Variants in GPHN observed in about 807,000 individuals in gnomAD.
GPHN encodes gephyrin.
A neutral mutation model predicts 95.5 loss-of-function variants in GPHN; 17 were observed. The ratio of observed to expected loss-of-function variants is 0.18; its 90% CI spans 0.12 to 0.27. GPHN has a LOEUF of 0.27. Ranked by LOEUF, GPHN falls within the 10% of genes least tolerant of loss-of-function variation. The probability of loss-of-function intolerance (pLI) is 1.00; values close to 1 mark genes in which losing one functional copy is unlikely to be tolerated. For synonymous variants in GPHN, 320 were observed against 322.5 expected (o/e 0.99, Z 0.08); for missense variants, 660 against 978.1 (o/e 0.67, Z 4.34).
the GPHN span, among the ~76,000 whole-genome samples, chr14:67,274,342 C>G: frequency 3.2e-4 from 48 of 152,114 alleles, no homozygotes; most frequent in Admixed American, 1.5e-3. Context: ...TCTACATATG[C>G]CTAGCCAGTT....
chr14:66,785,735 A>AAC (rs1347304327), intron 3 of GPHN, among the ~76,000 whole-genome samples: 4 of 146,346 alleles, frequency 2.7e-5, no homozygotes, highest in East Asian at 3.9e-4. Context: ...AAAACAAACA[A>AAC]AAAAAAAAAA....
chr14:66,736,920 T>G (rs1419190459), intron 2 of GPHN, among the ~76,000 whole-genome samples: 1 of 152,172 alleles, frequency 6.6e-6, no homozygotes, highest in South Asian at 2.1e-4. Context: ...TATCACTTCT[T>G]GAGACCTGTC....
At chr14:67,733,123 A>G in the GPHN span, among the ~76,000 whole-genome samples, 1 of 120,238 alleles carries the variant, frequency 8.3e-6, no homozygotes, top group Non-Finnish European at 2.0e-5. Context: ...AAGTATAATA[A>G]TAATAAAATT....
At chr14:67,576,562 G>T in the GPHN span, 1 of 844,852 alleles carries the variant, frequency 1.2e-6, no homozygotes, top group South Asian at 1.4e-5. The surrounding 1 kb of genome is among the most constrained non-coding windows in gnomAD (Gnocchi z 4.0). Context: ...GTGACTATTG[G>T]TCAAGATCCC....
chr14:67,264,091 A>G, the GPHN span, among the ~76,000 whole-genome samples: 4 of 152,182 alleles, frequency 2.6e-5, no homozygotes, highest in Admixed American at 1.3e-4. Flanking sequence ...TGAACATATA[A>G]GGTTGGTGTA....
the GPHN span, among the ~76,000 whole-genome samples, chr14:67,204,218 C>A: frequency 6.6e-6 from 1 of 152,132 alleles, no homozygotes; most frequent in Admixed American, 6.5e-5. Flanking sequence ...AGGTGAATTG[C>A]TTGAGCCCAG....
chr14:66,954,433 C>T (rs957695146), intron 8 of GPHN, among the ~76,000 whole-genome samples: 1 of 152,044 alleles, frequency 6.6e-6, no homozygotes, highest in Non-Finnish European at 1.5e-5. Flanking sequence ...TTGAACATTT[C>T]AGTATTGGTA....
At chr14:67,371,737 A>G in the GPHN span, among the ~76,000 whole-genome samples, 19 of 152,350 alleles carry the variant, frequency 1.2e-4, no homozygotes, top group Middle Eastern at 6.8e-3. Context: ...TATATATGCA[A>G]TCTATTGTTT....
At chr14:66,759,150 A>G (rs931220381) in intron 2 of GPHN, among the ~76,000 whole-genome samples, 1 of 152,242 alleles carries the variant, frequency 6.6e-6, no homozygotes, top group African/African-American at 2.4e-5. Context: ...AATCTCAGAT[A>G]AGACTTTCTT....
chr14:67,397,530 C>T, the GPHN span: 2 of 710,132 alleles, frequency 2.8e-6, no homozygotes, highest in Non-Finnish European at 2.3e-6. Context: ...TGTGGCGGAG[C>T]CAGGATTTGA....
the GPHN span, chr14:67,592,223 T>C: frequency 3.9e-6 from 1 of 256,614 alleles, no homozygotes; most frequent in Non-Finnish European, 7.7e-6. Context: ...TTGCTTGAAC[T>C]CAGGAGTTCA....
chr14:66,959,832 C>T (rs1180305641), intron 8 of GPHN, among the ~76,000 whole-genome samples: 1 of 151,942 alleles, frequency 6.6e-6, no homozygotes, highest in Admixed American at 6.6e-5. Context: ...TTCTTTCTCT[C>T]CTCTCCTTCT....
At chr14:67,091,835 GT>G (rs368856019) in intron 12 of GPHN, among the ~76,000 whole-genome samples, 1,960 of 144,246 alleles carry the variant, frequency 0.014, 40 homozygotes, top group African/African-American at 0.042. Flanking sequence ...TGTTTGAGAG[GT>G]TTTTTTTTTT....
intron 6 of GPHN, among the ~76,000 whole-genome samples, chr14:66,916,627 A>G (rs576379816): frequency 6.6e-6 from 1 of 152,008 alleles, no homozygotes; most frequent in East Asian, 1.9e-4. Context: ...ATGTTCCAGA[A>G]CTGACACCAT....
intron 2 of GPHN, among the ~76,000 whole-genome samples, chr14:66,733,803 T>C (rs1369770552): frequency 6.6e-6 from 1 of 152,180 alleles, no homozygotes; most frequent in Non-Finnish European, 1.5e-5. Flanking sequence ...ACTGAAATAA[T>C]CTATTAAGTC....
chr14:66,658,281 G>T (rs1327187563), intron 1 of GPHN, among the ~76,000 whole-genome samples: 1 of 152,114 alleles, frequency 6.6e-6, no homozygotes, highest in South Asian at 2.1e-4. Flanking sequence ...TCAAAGAAAG[G>T]TGTTCCTTGA....
At chr14:66,734,264 G>C (rs766078477) in intron 2 of GPHN, among the ~76,000 whole-genome samples, 88 of 152,208 alleles carry the variant, frequency 5.8e-4, no homozygotes, top group Non-Finnish European at 1.2e-3. Flanking sequence ...CCTGGTTCCT[G>C]ACCTTCTCTC....
chr14:67,078,967 C>T (rs185652960), intron 11 of GPHN, among the ~76,000 whole-genome samples: 135 of 152,062 alleles, frequency 8.9e-4, no homozygotes, highest in African/African-American at 3.2e-3. Context: ...TATACCAACT[C>T]CAAAATCAGG....
At chr14:67,304,601 G>A in the GPHN span, among the ~76,000 whole-genome samples, 1 of 152,210 alleles carries the variant, frequency 6.6e-6, no homozygotes, top group African/African-American at 2.4e-5. Flanking sequence ...CCATAGGAGA[G>A]AAAGCAGATT....
Sources: gnomAD v4.1 joint callset for allele counts (sites outside exome capture counted in the v4.1 genomes callset) on GRCh38, gnomAD v4.1.1 for gene constraint, Gnocchi (gnomAD v3.1) non-coding constraint, MANE v1.5 for transcripts, NCBI Gene and HGNC (gene_info 2026-07-23, HGNC 2026-07-21) for gene names.